Variants in ZNF516 observed in about 807,000 individuals in gnomAD.
ZNF516 encodes the protein zinc finger protein 516.
In ZNF516, 19 loss-of-function variants were observed where a neutral mutation model predicts 79.7. The ratio of observed to expected loss-of-function variants is 0.24; its 90% CI spans 0.17 to 0.35. The LOEUF is 0.35. ZNF516 is among the 10% of genes least tolerant of loss of function. The pLI is 1.00. For synonymous variants in ZNF516, 877 were observed against 739.5 expected, an observed-to-expected ratio of 1.19 and a Z score of -3.02; for missense variants, 1,678 against 1,679.5, an observed-to-expected ratio of 1.00 and a Z score of 0.02.
Position 76,379,325 on chromosome 18 carries a change from G to A in ZNF516, c.2789C>T (p.Thr930Ile). The A allele has an allele frequency of 6.3e-7, 1 of 1,598,788 alleles. No individual in the cohort carries two copies. Among genetic ancestry groups the A allele is most frequent in the Non-Finnish European group, 8.5e-7 (1 of 1,172,010 alleles). Reference protein sequence around the residue: ...PGGGGFSRSATPTPTVIARAG... With the variant: ...PGGGGFSRSAIPTPTVIARAG... ...CCGGGCGATGACGGTGGGCGTAGGG[G>A]TGGCGCTCCTGCTGAAGCCCCCGCC... The change falls in exon 4 of 7, where the codon ACC (threonine) becomes ATC (isoleucine). Residue 930 changes from threonine to isoleucine, a missense_variant. Thr to Ile is a moderately conservative substitution (Grantham distance 89). Around this residue, in one of 5 missense-constraint regions of ZNF516, gnomAD observed 1,294 missense variants for 1,248.3 expected, o/e 1.04. Coordinates refer to ENST00000443185, the MANE Select transcript of ZNF516 (RefSeq NM_014643.4).
chr18:76,458,948 TGAGA>T (rs1183813182), intron 2 of ZNF516, among the ~76,000 whole-genome samples: 2 of 152,184 alleles, frequency 1.3e-5, no homozygotes, highest in African/African-American at 2.4e-5. Flanking sequence ...TGGGTGAACA[TGAGA>T]GAGACTGAGT....
rs189106531 is a variant in ZNF516, at chr18:76,407,202, G to A, written c.1811-26899C>T. Among the ~76,000 whole-genome samples the A allele has an allele frequency of 4.5e-4, 68 of 152,238 alleles. 1 individual carries two copies. Among genetic ancestry groups the A allele is most frequent in the African/African-American group, 1.4e-3 (58 of 41,548 alleles). ...GCCAAGGCAGCCTTCCAAAGGCCAA[G>A]GAGGATCACTTGAGTGCAAGAGTTC... On this transcript the variant is annotated intron_variant, in intron 3 of 6. Coordinates refer to ENST00000443185, the MANE Select transcript of ZNF516 (RefSeq NM_014643.4).
At chr18:76,440,310 C>T (rs908839313) in intron 3 of ZNF516, among the ~76,000 whole-genome samples, 1 of 152,214 alleles carries the variant, frequency 6.6e-6, no homozygotes, top group African/African-American at 2.4e-5. Context: ...GCACAGCAGT[C>T]ATCTTCTTCA....
chr18:76,402,908 A>C (rs1178808018), intron 3 of ZNF516, among the ~76,000 whole-genome samples: 1 of 152,216 alleles, frequency 6.6e-6, no homozygotes. Context: ...TCGCAGGACA[A>C]CAAGTGATCC....
intron 3 of ZNF516, among the ~76,000 whole-genome samples, chr18:76,425,731 C>T (rs117163553): frequency 6.6e-6 from 1 of 152,344 alleles, no homozygotes; most frequent in Non-Finnish European, 1.5e-5. Flanking sequence ...AGACCTTGTC[C>T]TGCATTTTTC....
intron 1 of ZNF516, among the ~76,000 whole-genome samples, chr18:76,466,405 C>G (rs1913471196): frequency 6.6e-6 from 1 of 152,246 alleles, no homozygotes; most frequent in Non-Finnish European, 1.5e-5. Context: ...CATAATGGTG[C>G]ACCCATGCTG....
chr18:76,450,327 CT>C (rs1321947841), intron 2 of ZNF516, among the ~76,000 whole-genome samples: 22 of 152,046 alleles, frequency 1.4e-4, no homozygotes, highest in African/African-American at 4.8e-4. Context: ...GCCTCTTCCC[CT>C]ATCTGCCCCT....
At chr18:76,464,157 G>A (rs983996384) in intron 1 of ZNF516, among the ~76,000 whole-genome samples, 1 of 151,852 alleles carries the variant, frequency 6.6e-6, no homozygotes, top group Non-Finnish European at 1.5e-5. Context: ...AACCCCGTCT[G>A]TACTAAAAAT....
In ZNF516 at chr18:76,478,758, AAG is replaced by A. The variant is rs1714979180; in HGVS notation, c.-271-15619_-271-15618del. On this transcript the variant is annotated intron_variant, in intron 1 of 6. Transcript: ENST00000443185. ...TGCTTACATTTGCAGCTTTTCACTTAAGAGATCCACTGTGGGGCTGGGCATGG... is the reference window on the plus strand; with the variant it reads ...TGCTTACATTTGCAGCTTTTCACTTAAGATCCACTGTGGGGCTGGGCATGG... Among the ~76,000 whole-genome samples the A allele has an allele frequency of 2.0e-5, 3 of 152,264 alleles. 1 individual carries two copies. The highest frequency in any genetic ancestry group is 2.0e-4 in the Admixed American group (3 of 15,298).
At chr18:76,478,118 T>G (rs1914281768) in intron 1 of ZNF516, among the ~76,000 whole-genome samples, 1 of 152,206 alleles carries the variant, frequency 6.6e-6, no homozygotes, top group African/African-American at 2.4e-5. Context: ...TACTAACTTC[T>G]ACTCCAACAA....
intron 3 of ZNF516, among the ~76,000 whole-genome samples, chr18:76,398,036 C>T (rs2075169288): frequency 6.6e-6 from 1 of 152,220 alleles, no homozygotes; most frequent in Non-Finnish European, 1.5e-5. Context: ...ATACCTCTAG[C>T]TTCCATGACA....
In ZNF516 at chr18:76,444,964, T is replaced by C. The variant is rs548660590; in HGVS notation, c.-157-1753A>G. Among the ~76,000 whole-genome samples, 9 of 152,240 alleles carry C rather than the reference T, an allele frequency of 5.9e-5. No individual in the cohort carries two copies. In the East Asian group the frequency reaches 1.7e-3, roughly 29 times the overall value. Reference sequence around the variant, plus strand: ...GGCGCCTAAGGAAACACGAGCAGCCTCAGCAGCAAATGAAAAGCAGCAACA... The same window carrying C: ...GGCGCCTAAGGAAACACGAGCAGCCCCAGCAGCAAATGAAAAGCAGCAACA... On this transcript the variant is annotated intron_variant, in intron 2 of 6. Coordinates refer to ENST00000443185, the MANE Select transcript of ZNF516 (RefSeq NM_014643.4).
chr18:76,435,126 T>A (rs1335618602), intron 3 of ZNF516, among the ~76,000 whole-genome samples: 1 of 152,130 alleles, frequency 6.6e-6, no homozygotes, highest in Non-Finnish European at 1.5e-5. Flanking sequence ...TATGATCCTA[T>A]CTTGAGTTAA....
intron 1 of ZNF516, among the ~76,000 whole-genome samples, chr18:76,485,565 C>T (rs928740129): frequency 6.6e-6 from 1 of 152,146 alleles, no homozygotes; most frequent in African/African-American, 2.4e-5. Context: ...ACTGAGACAA[C>T]GAGAGAGAGG....
chr18:76,459,261 G>C lies in ZNF516; in HGVS notation c.-158+3767C>G, dbSNP rs1233735197. Among the ~76,000 whole-genome samples the C allele has an allele frequency of 6.6e-6, 1 of 152,150 alleles. No individual in the cohort carries two copies. The highest frequency in any genetic ancestry group is 1.5e-5 in the Non-Finnish European group (1 of 68,020). On this transcript the variant is annotated intron_variant, in intron 2 of 6. Transcript: ENST00000443185. This position sits in a 1 kb window ranked among gnomAD's most constrained non-coding sequence, Gnocchi z 5.0. Reference sequence around the variant, plus strand: ...GAGCTTCGGCTTCTCCTCCATGCACGGTCACTGCTGGAGGCACACTGGACC... The same window carrying C: ...GAGCTTCGGCTTCTCCTCCATGCACCGTCACTGCTGGAGGCACACTGGACC...
intron 1 of ZNF516, among the ~76,000 whole-genome samples, chr18:76,482,292 C>T (rs1234500588): frequency 1.3e-5 from 2 of 152,314 alleles, no homozygotes; most frequent in Admixed American, 1.3e-4. Context: ...CCCTTCATCG[C>T]GACCTATTAT....
intron 2 of ZNF516, among the ~76,000 whole-genome samples, chr18:76,452,705 T>C (rs1344570183): frequency 3.9e-5 from 6 of 152,196 alleles, no homozygotes; most frequent in Non-Finnish European, 5.9e-5. Context: ...AAAGACAGTA[T>C]CACAATATAT....
At chr18:76,470,603 C>T (rs890457289) in intron 1 of ZNF516, among the ~76,000 whole-genome samples, 1 of 152,342 alleles carries the variant, frequency 6.6e-6, no homozygotes, top group East Asian at 1.9e-4. Flanking sequence ...TTGTTACAAA[C>T]ATTTAACGAC....
chr18:76,468,419 T>C (rs1373946228), intron 1 of ZNF516, among the ~76,000 whole-genome samples: 2 of 143,630 alleles, frequency 1.4e-5, no homozygotes, highest in East Asian at 2.0e-4. Flanking sequence ...ATTAGTGTCT[T>C]TTTTTTTTTT....
Sources: allele counts gnomAD v4.1 joint callset (sites outside exome capture counted in the v4.1 genomes callset), GRCh38; gene constraint gnomAD v4.1.1; regional missense constraint gnomAD v4.1.1; non-coding constraint Gnocchi (gnomAD v3.1); transcripts MANE v1.5; gene names NCBI Gene and HGNC (gene_info 2026-07-23, HGNC 2026-07-21).